GLCE: variants seen among roughly 807,000 people sequenced by gnomAD.
The protein encoded by GLCE is glucuronic acid epimerase.
GLCE carries 19 observed loss-of-function variants against 47.9 expected under a neutral mutation model. The observed-to-expected ratio is 0.40, with a 90% CI of 0.28 to 0.58. The LOEUF (loss-of-function observed/expected upper bound fraction) is 0.58. Ranked by LOEUF, GLCE falls within the 20% of genes least tolerant of loss-of-function variation. The probability of loss-of-function intolerance (pLI) is 0.48; values close to 1 mark genes in which losing one functional copy is unlikely to be tolerated. For synonymous variants in GLCE, 245 were observed against 263.4 expected (o/e 0.93, Z 0.68); for missense variants, 556 against 743.3 (o/e 0.75, Z 2.93).
At chr15:69,253,619 A>T (rs1436734431) in intron 2 of GLCE, among the ~76,000 whole-genome samples, 2 of 152,240 alleles carry the variant, frequency 1.3e-5, no homozygotes, top group African/African-American at 4.8e-5. Flanking sequence ...AGAATAAATC[A>T]TCTAATATAT....
chr15:69,261,350 G>A (rs1370554306), intron 4 of GLCE, 21 bp downstream of exon 4: 2 of 1,600,736 alleles, frequency 1.2e-6, no homozygotes, highest in South Asian at 2.2e-5. Flanking sequence ...TATTATATGT[G>A]CCTGCTAATT....
intron 1 of GLCE, among the ~76,000 whole-genome samples, chr15:69,167,620 GT>G (rs1168732682): frequency 6.6e-6 from 1 of 152,216 alleles, no homozygotes; most frequent in Non-Finnish European, 1.5e-5. Flanking sequence ...AGCTTGGTCT[GT>G]TTGGGAGCGG....
At position 69,261,035 on chromosome 15, in the gene GLCE, T is replaced by G. The variant is rs112026521; in HGVS notation, c.587-52T>G. The G allele has an allele frequency of 4.0e-5, 61 of 1,539,318 alleles. No individual in the cohort carries two copies. The African/African-American group carries it at 4.4e-4, about 11-fold the overall frequency. On this transcript the variant is annotated intron_variant, in intron 3 of 4. Coordinates refer to ENST00000261858, the MANE Select transcript of GLCE (RefSeq NM_015554.3). ...AATCAGTGAGGAATGGTATTAGGAA[T>G]AGGCTTGTAATGTCTGGATATGATT... is the stretch of plus-strand genomic sequence containing the variant.
intron 1 of GLCE, among the ~76,000 whole-genome samples, chr15:69,182,494 A>G (rs2051764965): frequency 1.3e-5 from 2 of 152,202 alleles, no homozygotes; most frequent in African/African-American, 4.8e-5. Context: ...CAAGATTGAC[A>G]TAGTCAGAAG....
intron 2 of GLCE, among the ~76,000 whole-genome samples, chr15:69,238,517 C>T (rs2052622335): frequency 1.3e-5 from 2 of 152,156 alleles, no homozygotes; most frequent in Admixed American, 6.5e-5. Flanking sequence ...TTAAACCTTT[C>T]CTTTTTCTGT....
At chr15:69,170,796 G>A (rs1352739496) in intron 1 of GLCE, among the ~76,000 whole-genome samples, 1 of 152,118 alleles carries the variant, frequency 6.6e-6, no homozygotes, top group Non-Finnish European at 1.5e-5. Flanking sequence ...TGGCCTTAGC[G>A]CTCCTTATTA....
At chr15:69,187,689 CTATA>C (rs903951756) in intron 1 of GLCE, among the ~76,000 whole-genome samples, 8 of 152,084 alleles carry the variant, frequency 5.3e-5, no homozygotes, top group African/African-American at 1.7e-4. Context: ...GAATAGAAGC[CTATA>C]TAAAAGGTTT....
intron 2 of GLCE, among the ~76,000 whole-genome samples, chr15:69,252,901 A>G: frequency 6.6e-6 from 1 of 152,206 alleles, no homozygotes; most frequent in East Asian, 1.9e-4. Context: ...GTAATAATGC[A>G]GATGATGAAT....
intron 4 of GLCE, among the ~76,000 whole-genome samples, chr15:69,262,315 C>T (rs933009738): frequency 1.3e-4 from 20 of 152,132 alleles, no homozygotes; most frequent in African/African-American, 4.8e-4. Flanking sequence ...CTGTGATATT[C>T]TGGTACACAG....
intron 4 of GLCE, chr15:69,266,660 T>C: frequency 3.8e-6 from 2 of 531,154 alleles, no homozygotes; most frequent in South Asian, 1.6e-4. Context: ...CACTAAAGAT[T>C]TTTTCAAGGA....
At chr15:69,207,038 A>C (rs1248912651) in intron 1 of GLCE, among the ~76,000 whole-genome samples, 7 of 152,054 alleles carry the variant, frequency 4.6e-5, no homozygotes, top group Non-Finnish European at 1.0e-4. Context: ...CACTTTGCTT[A>C]TCTGTAACTT....
chr15:69,180,351 C>T (rs1324443558), intron 1 of GLCE, among the ~76,000 whole-genome samples: 2 of 152,142 alleles, frequency 1.3e-5, no homozygotes, highest in East Asian at 3.9e-4. Context: ...AGACAAAAAT[C>T]CCTACCCCTA....
At chr15:69,262,305 C>T (rs1489677196) in intron 4 of GLCE, among the ~76,000 whole-genome samples, 1 of 152,150 alleles carries the variant, frequency 6.6e-6, no homozygotes, top group Non-Finnish European at 1.5e-5. Flanking sequence ...CCATGGCATT[C>T]TGTGATATTC....
chr15:69,269,235 G>A lies in GLCE; in HGVS notation c.1845G>A (p.Lys615=). ...WKSYLKGSRA[K]HN is the part of the protein sequence containing the mutation. ...GCTACCTTAAAGGCAGCAGGGCAAA[G>A]CACAACTAGAGCTCACAACCAAAAC... Residue 615 remains lysine, a synonymous_variant, in exon 5 of 5, where the codon AAG becomes AAA. Transcript: ENST00000261858. 6.2e-7 allele frequency: 1 copy of A among 1,613,568 alleles called. No homozygotes were observed. Among genetic ancestry groups the A allele is most frequent in the Non-Finnish European group, 8.5e-7 (1 of 1,179,626 alleles).
intron 1 of GLCE, among the ~76,000 whole-genome samples, chr15:69,195,613 G>T (rs2051976387): frequency 6.6e-6 from 1 of 152,060 alleles, no homozygotes; most frequent in Non-Finnish European, 1.5e-5. Context: ...GTTGCTCCTT[G>T]TTGTCTAAGA....
At chr15:69,251,211 C>G (rs2052840025) in intron 2 of GLCE, among the ~76,000 whole-genome samples, 1 of 152,062 alleles carries the variant, frequency 6.6e-6, no homozygotes, top group East Asian at 1.9e-4. Flanking sequence ...AATTTTATGT[C>G]CTGAGAGATC....
At chr15:69,238,383 G>C (rs1288377277) in intron 2 of GLCE, among the ~76,000 whole-genome samples, 6 of 151,942 alleles carry the variant, frequency 3.9e-5, no homozygotes, top group Non-Finnish European at 1.5e-5. Context: ...TTTTTCTTCA[G>C]CAAAGTTAAG....
rs869212730 is a variant in GLCE, at chr15:69,235,093, C to CTTT, written c.-13-20671_-13-20669dup. Among the ~76,000 whole-genome samples, 150 of 62,890 alleles carry CTTT rather than the reference C, an allele frequency of 2.4e-3. 12 individuals carry two copies. The highest frequency in any genetic ancestry group is 4.0e-3 in the African/African-American group (54 of 13,348). The allele number at this position is 62,890 out of a possible 152,430, so 41.3% of individuals were successfully genotyped here. On this transcript the variant is annotated intron_variant, in intron 2 of 4. Transcript: ENST00000261858. ...CTGATACAGATAGATGAAGATTATT[C>CTTT]TTTTTTTTTTTTTTTTTTTTTTTTT...
chr15:69,191,735 G>C (rs1394334113), intron 1 of GLCE, among the ~76,000 whole-genome samples: 2 of 152,074 alleles, frequency 1.3e-5, no homozygotes, highest in African/African-American at 4.8e-5. Context: ...TTTTTAGTTA[G>C]GGAATGTCAG....
Sources: allele counts gnomAD v4.1 joint callset (sites outside exome capture counted in the v4.1 genomes callset), GRCh38; gene constraint gnomAD v4.1.1; transcripts MANE v1.5; gene names NCBI Gene and HGNC (gene_info 2026-07-23, HGNC 2026-07-21).